The following GSG1L variants were observed in gnomAD, a reference collection of about 807,000 sequenced individuals.
GSG1L encodes the protein germ cell-specific gene 1-like protein.
A neutral mutation model predicts 42.1 loss-of-function variants in GSG1L; 24 were observed. That is an observed-to-expected ratio of 0.57 (90% CI 0.41 to 0.80). The LOEUF is 0.80. Among genes scored for constraint, GSG1L ranks in the 30% least tolerant of loss-of-function variants. GSG1L has a pLI of 0.00. For missense variants in GSG1L, 445 were observed against 472.2 expected, an observed-to-expected ratio of 0.94 and a Z score of 0.53; for synonymous variants, 215 against 203.5, an observed-to-expected ratio of 1.06 and a Z score of -0.48.
chr16:27,916,867 T>A (rs909005190), intron 2 of GSG1L, among the ~76,000 whole-genome samples: 2 of 108,484 alleles, frequency 1.8e-5, no homozygotes, highest in African/African-American at 7.2e-5. Context: ...AAAATAAAAT[T>A]AAAATCACTC....
chr16:27,822,835 G>T (rs2083164708), intron 5 of GSG1L, among the ~76,000 whole-genome samples: 1 of 152,146 alleles, frequency 6.6e-6, no homozygotes, highest in South Asian at 2.1e-4. Flanking sequence ...CACCGAAATG[G>T]GCCAGACATA....
chr16:27,888,485 T>TCC (rs2084071576), intron 2 of GSG1L, among the ~76,000 whole-genome samples: 1 of 6,464 alleles, frequency 1.5e-4, no homozygotes, highest in African/African-American at 4.8e-4. Flanking sequence ...TCTCTTTCCT[T>TCC]TCTTTCTTTC....
At chr16:27,881,399 G>A (rs1458048494) in intron 3 of GSG1L, among the ~76,000 whole-genome samples, 1 of 151,836 alleles carries the variant, frequency 6.6e-6, no homozygotes, top group Non-Finnish European at 1.5e-5. Flanking sequence ...GCACCACCAT[G>A]CCCAGCTAAT....
chr16:27,942,147 CTTTT>C (rs34617355), intron 2 of GSG1L, among the ~76,000 whole-genome samples: 5 of 115,990 alleles, frequency 4.3e-5, no homozygotes, highest in African/African-American at 1.3e-4. Context: ...AAAACTTCTT[CTTTT>C]TTTTTTTTTT....
chr16:27,835,149 A>C (rs1344479372), intron 4 of GSG1L, among the ~76,000 whole-genome samples: 1 of 152,074 alleles, frequency 6.6e-6, no homozygotes, highest in African/African-American at 2.4e-5. Flanking sequence ...TTCTCCTTTC[A>C]GCTACATCAA....
At chr16:27,832,682 G>A (rs912905538) in intron 4 of GSG1L, among the ~76,000 whole-genome samples, 2 of 152,136 alleles carry the variant, frequency 1.3e-5, no homozygotes, top group African/African-American at 2.4e-5. Context: ...ATATCTCATT[G>A]TGGCTTTAAT....
intron 1 of GSG1L, among the ~76,000 whole-genome samples, chr16:27,971,018 C>A (rs996848845): frequency 3.9e-5 from 6 of 152,178 alleles, no homozygotes; most frequent in Non-Finnish European, 7.4e-5. Context: ...TTATATGTCT[C>A]TCCTTATACT....
At chr16:27,830,981 C>T (rs2083269085) in intron 4 of GSG1L, among the ~76,000 whole-genome samples, 2 of 152,242 alleles carry the variant, frequency 1.3e-5, no homozygotes, top group South Asian at 4.1e-4. Flanking sequence ...GTGGGGCTGG[C>T]CCCAACCCCA....
intron 1 of GSG1L, among the ~76,000 whole-genome samples, chr16:28,046,334 G>C (rs2086157489): frequency 7.4e-6 from 1 of 135,586 alleles, no homozygotes. Context: ...TGAGGAGGAA[G>C]TCCACTCTTT....
chr16:27,982,608 T>C (rs941502955), intron 1 of GSG1L, among the ~76,000 whole-genome samples: 1 of 152,204 alleles, frequency 6.6e-6, no homozygotes, highest in Non-Finnish European at 1.5e-5. Flanking sequence ...TACCTCAGAC[T>C]GGGTAATTTA....
chr16:27,881,617 A>G (rs963622034), intron 3 of GSG1L, among the ~76,000 whole-genome samples: 1 of 152,128 alleles, frequency 6.6e-6, no homozygotes, highest in South Asian at 2.1e-4. Context: ...ACAGATTACT[A>G]TTGGTGACTA....
At chr16:27,973,546 C>G (rs1352807866) in intron 1 of GSG1L, among the ~76,000 whole-genome samples, 4 of 149,598 alleles carry the variant, frequency 2.7e-5, no homozygotes, top group Non-Finnish European at 5.9e-5. Context: ...GAGACACGGT[C>G]TTCTGCAGCC....
At chr16:27,927,335 C>T (rs1359559634) in intron 2 of GSG1L, among the ~76,000 whole-genome samples, 2 of 152,042 alleles carry the variant, frequency 1.3e-5, no homozygotes, top group Non-Finnish European at 1.5e-5. Flanking sequence ...GATGGGGTCT[C>T]ACGGTGTTGC....
chr16:27,903,141 C>T (rs1246961726), intron 2 of GSG1L, among the ~76,000 whole-genome samples: 1 of 152,048 alleles, frequency 6.6e-6, no homozygotes, highest in African/African-American at 2.4e-5. Context: ...GCAAGAAGAA[C>T]GAGACCCAGG....
intron 4 of GSG1L, 90 bp downstream of exon 4, chr16:27,844,859 GC>G (rs1171210394): frequency 1.3e-5 from 1 of 78,934 alleles, no homozygotes. Flanking sequence ...CCCCCCCACC[GC>G]CCCCCACCCC....
chr16:27,905,305 G>A (rs1164529509), intron 2 of GSG1L, among the ~76,000 whole-genome samples: 4 of 148,158 alleles, frequency 2.7e-5, no homozygotes, highest in East Asian at 2.0e-4. Context: ...ATGCTATTCC[G>A]TTCATGCCAG....
chr16:27,917,761 C>T (rs2084475570), intron 2 of GSG1L, among the ~76,000 whole-genome samples: 1 of 152,276 alleles, frequency 6.6e-6, no homozygotes, highest in Middle Eastern at 3.4e-3. Context: ...AATACAACCA[C>T]GACAGGCATA....
intron 2 of GSG1L, among the ~76,000 whole-genome samples, chr16:27,911,261 C>T (rs1456912044): frequency 8.4e-6 from 1 of 118,522 alleles, no homozygotes; most frequent in Non-Finnish European, 1.8e-5. Context: ...CATCACCTCT[C>T]TCTCGCTCTC....
chr16:27,896,278 T>G (rs898571063), intron 2 of GSG1L, among the ~76,000 whole-genome samples: 4 of 152,194 alleles, frequency 2.6e-5, no homozygotes, highest in African/African-American at 9.7e-5. Flanking sequence ...AATGCTGCAC[T>G]AAGACATTTG....
Sources: allele counts gnomAD v4.1 joint callset (sites outside exome capture counted in the v4.1 genomes callset), GRCh38; gene constraint gnomAD v4.1.1; transcripts MANE v1.5; gene names NCBI Gene and HGNC (gene_info 2026-07-23, HGNC 2026-07-21).